DACH1: variants seen among roughly 807,000 people sequenced by gnomAD.
DACH1 encodes dachshund homolog 1.
Under a neutral mutation model 54.2 loss-of-function variants are expected in DACH1, and 12 were observed. That is an observed-to-expected ratio of 0.22 (90% CI 0.14 to 0.36). The LOEUF is 0.36. Ranked by LOEUF, DACH1 falls within the 10% of genes least tolerant of loss-of-function variation. DACH1 has a pLI of 1.00. For missense variants in DACH1, 805 were observed against 929.8 expected (o/e 0.87, Z 1.75); for synonymous variants, 386 against 366.2 (o/e 1.05, Z -0.62).
intron 3 of DACH1, among the ~76,000 whole-genome samples, chr13:71,627,805 G>A (rs1229227962): frequency 1.3e-5 from 2 of 152,038 alleles, no homozygotes; most frequent in East Asian, 3.9e-4. Flanking sequence ...CAGCTGCCCT[G>A]AAATCTCCTC....
At chr13:71,496,302 T>TAC (rs1879424049) in intron 6 of DACH1, among the ~76,000 whole-genome samples, 2 of 108,416 alleles carry the variant, frequency 1.8e-5, no homozygotes, top group Non-Finnish European at 3.9e-5. Context: ...TATATATATA[T>TAC]ATATACACAC....
chr13:71,745,231 G>T (rs1170778309), intron 1 of DACH1, among the ~76,000 whole-genome samples: 1 of 151,924 alleles, frequency 6.6e-6, no homozygotes, highest in East Asian at 1.9e-4. Context: ...CCCCACTTTA[G>T]TTTTCCCCTT....
At chr13:71,699,758 T>C (rs1882018632) in intron 1 of DACH1, among the ~76,000 whole-genome samples, 1 of 152,226 alleles carries the variant, frequency 6.6e-6, no homozygotes, top group East Asian at 1.9e-4. Context: ...AGGGATGCCT[T>C]GAGTGTGCAT....
intron 2 of DACH1, among the ~76,000 whole-genome samples, chr13:71,646,726 T>C (rs1594039977): frequency 6.6e-6 from 1 of 152,240 alleles, no homozygotes; most frequent in African/African-American, 2.4e-5. Flanking sequence ...CTTATTTTGT[T>C]TTATTCAAGG....
intron 3 of DACH1, among the ~76,000 whole-genome samples, chr13:71,618,927 T>A (rs1371653476): frequency 6.6e-6 from 1 of 151,748 alleles, no homozygotes; most frequent in African/African-American, 2.4e-5. Context: ...AAGATTACAA[T>A]GTATTTATAT....
At chr13:71,528,835 A>T (rs1882199432) in intron 6 of DACH1, among the ~76,000 whole-genome samples, 1 of 152,102 alleles carries the variant, frequency 6.6e-6, no homozygotes, top group Admixed American at 6.6e-5. Context: ...TACAAAACAG[A>T]GTACTGTCTC....
At chr13:71,685,261 C>G (rs956418870) in intron 1 of DACH1, among the ~76,000 whole-genome samples, 2 of 152,086 alleles carry the variant, frequency 1.3e-5, no homozygotes, top group African/African-American at 2.4e-5. Flanking sequence ...TCAAATTCCA[C>G]CAATAGAGAT....
chr13:71,640,472 A>G (rs1474866656), intron 2 of DACH1, among the ~76,000 whole-genome samples: 1 of 152,108 alleles, frequency 6.6e-6, no homozygotes, highest in East Asian at 1.9e-4. Flanking sequence ...AGGAAGAAAT[A>G]AAAAGAAGAG....
chr13:71,720,342 T>G (rs939845601), intron 1 of DACH1, among the ~76,000 whole-genome samples: 8 of 152,166 alleles, frequency 5.3e-5, no homozygotes, highest in African/African-American at 1.9e-4. Context: ...CTTACTAAGT[T>G]TTAAATCTTT....
rs749802840 is a variant in DACH1, at chr13:71,572,833, G to A, written c.1299+7C>T. On this transcript the variant is annotated splice_region_variant and intron_variant, in intron 4 of 10. Transcript: ENST00000613252. ...ATGCCAAAATAATTGTATAAAAAAAGAATTACCTTAATAACTGATGTCTCA... is the reference window on the plus strand; with the variant it reads ...ATGCCAAAATAATTGTATAAAAAAAAAATTACCTTAATAACTGATGTCTCA... The A allele has an allele frequency of 2.5e-6, 4 of 1,605,140 alleles. No homozygotes were observed. Among genetic ancestry groups the A allele is most frequent in the Non-Finnish European group, 2.6e-6 (3 of 1,176,150 alleles).
chr13:71,651,369 C>CAA lies in DACH1; in HGVS notation c.965-20654_965-20653dup, dbSNP rs536561575. On this transcript the variant is annotated intron_variant, in intron 2 of 10. Coordinates refer to ENST00000613252, the MANE Select transcript of DACH1 (RefSeq NM_080759.6). ...GGCAACAGAGTGAGACCCTGTCTCA[C>CAA]AAAAAAAAAAAAGAAAGAAAGAAAG... Among the ~76,000 whole-genome samples the CAA allele has an allele frequency of 1.2e-3, 86 of 69,824 alleles. 1 individual carries two copies. Among genetic ancestry groups the CAA allele is most frequent in the Middle Eastern group, 0.017 (2 of 120 alleles). 45.8% of individuals were successfully genotyped at this position (69,824 alleles called of 152,430 possible).
At chr13:71,779,808 C>A (rs9592807) in intron 1 of DACH1, among the ~76,000 whole-genome samples, 1 of 151,812 alleles carries the variant, frequency 6.6e-6, no homozygotes, top group Admixed American at 6.6e-5. Flanking sequence ...TCTACTCAAC[C>A]GCATCCACCT....
intron 6 of DACH1, among the ~76,000 whole-genome samples, chr13:71,549,786 G>A (rs987871085): frequency 6.6e-6 from 1 of 152,068 alleles, no homozygotes; most frequent in African/African-American, 2.4e-5. Flanking sequence ...ACCCATCAGA[G>A]GGAATCTTGT....
At chr13:71,694,879 A>T (rs1354594321) in intron 1 of DACH1, among the ~76,000 whole-genome samples, 1 of 152,234 alleles carries the variant, frequency 6.6e-6, no homozygotes, top group Non-Finnish European at 1.5e-5. Flanking sequence ...TCTTTTGAGC[A>T]CTTTATGTAT....
chr13:71,506,685 A>G (rs570155448), intron 6 of DACH1, among the ~76,000 whole-genome samples: 3 of 152,282 alleles, frequency 2.0e-5, no homozygotes, highest in Admixed American at 6.5e-5. Context: ...CCAAAGCAGC[A>G]TGGTACTGGT....
intron 2 of DACH1, among the ~76,000 whole-genome samples, chr13:71,662,293 G>A (rs1879556332): frequency 6.6e-6 from 1 of 151,974 alleles, no homozygotes; most frequent in Non-Finnish European, 1.5e-5. Flanking sequence ...GGTTCAGAAT[G>A]AAATAAACTG....
chr13:71,471,325 G>A (rs1877052053), intron 10 of DACH1, among the ~76,000 whole-genome samples: 1 of 151,716 alleles, frequency 6.6e-6, no homozygotes, highest in Admixed American at 6.6e-5. Context: ...AGAGGGGAGA[G>A]GATACATACC....
intron 2 of DACH1, among the ~76,000 whole-genome samples, chr13:71,671,729 A>C (rs1302403876): frequency 6.6e-6 from 1 of 152,122 alleles, no homozygotes; most frequent in Non-Finnish European, 1.5e-5. Context: ...CCTATTAAAT[A>C]AATTGAATAG....
intron 1 of DACH1, among the ~76,000 whole-genome samples, chr13:71,828,941 C>T (rs1390997118): frequency 6.6e-6 from 1 of 151,966 alleles, no homozygotes; most frequent in African/African-American, 2.4e-5. Flanking sequence ...CCTCACTCCC[C>T]TCCCACAAAA....
Sources: allele counts gnomAD v4.1 joint callset (sites outside exome capture counted in the v4.1 genomes callset), GRCh38; gene constraint gnomAD v4.1.1; transcripts MANE v1.5; gene names NCBI Gene and HGNC (gene_info 2026-07-23, HGNC 2026-07-21).